Variants in MTA1 observed in about 807,000 individuals in gnomAD.
MTA1 encodes the protein metastasis associated 1.
In MTA1, 15 loss-of-function variants were observed where a neutral mutation model predicts 97.0. The observed-to-expected ratio is 0.15, with a 90% confidence interval of 0.10 to 0.24. The LOEUF (loss-of-function observed/expected upper bound fraction) is 0.24, where lower values mean the gene tolerates loss of function less well. Ranked by LOEUF, MTA1 falls within the 10% of genes least tolerant of loss-of-function variation. MTA1 has a pLI of 1.00. For missense variants in MTA1, 709 were observed against 1,015.1 expected (o/e 0.70, Z 4.10); for synonymous variants, 435 against 417.5 (o/e 1.04, Z -0.51).
chr14:105,466,499 C>T lies in MTA1; in HGVS notation c.1698C>T (p.Ala566=), dbSNP rs2083592303. 1 of 1,597,874 alleles carries T rather than the reference C, an allele frequency of 6.3e-7. No individual in the cohort carries two copies. Among genetic ancestry groups the T allele is most frequent in the African/African-American group, 1.3e-5 (1 of 74,396 alleles). The change falls in exon 17 of 21, where the codon GCC becomes GCT. Residue 566 remains alanine, a synonymous_variant. Transcript: ENST00000331320. ...VSSVLSSLTP[A]KVAPVINNGS... is the part of the protein sequence containing the mutation. ...GCGTGCTCAGCAGCCTGACGCCCGC[C>T]AAGGTGGCCCCCGTCATCAACAACG...
chr14:105,430,466 C>T (rs1468630128), intron 1 of MTA1, among the ~76,000 whole-genome samples: 2 of 152,112 alleles, frequency 1.3e-5, no homozygotes, highest in African/African-American at 2.4e-5. Flanking sequence ...GACCACAGAT[C>T]GCCATCACAG....
At chr14:105,437,688 G>A (rs1385107143) in intron 1 of MTA1, among the ~76,000 whole-genome samples, 1 of 152,242 alleles carries the variant, frequency 6.6e-6, no homozygotes, top group Admixed American at 6.5e-5. Context: ...GCCTGTGCGG[G>A]CCTCTGGGCT....
At chr14:105,449,640 T>C (rs1471344951) in intron 4 of MTA1, among the ~76,000 whole-genome samples, 2 of 152,076 alleles carry the variant, frequency 1.3e-5, no homozygotes, top group Admixed American at 6.5e-5. Context: ...GTGGGCTGTA[T>C]GGGGCTGTCT....
At position 105,463,614 on chromosome 14, in the gene MTA1, G is replaced by T; in HGVS notation, c.1076+63G>T. 7.2e-6 allele frequency: 11 copies of T among 1,522,268 alleles called. No individual in the cohort carries two copies. Among genetic ancestry groups the T allele is most frequent in the African/African-American group, 1.4e-5 (1 of 73,004 alleles). 94.3% of individuals were successfully genotyped at this position (1,522,268 alleles called of 1,614,324 possible). A position where few individuals can be genotyped will look rare whatever the true frequency, so the allele number is the denominator to read the frequency against. Reference sequence around the variant, plus strand: ...GGGGGCCAGGGAGGGTGGGCACAGGGTGCTGGGGCCAGGCGGGTCCCAAGG... The same window carrying T: ...GGGGGCCAGGGAGGGTGGGCACAGGTTGCTGGGGCCAGGCGGGTCCCAAGG... On this transcript the variant is annotated intron_variant, in intron 12 of 20. Transcript: ENST00000331320. This position sits in a 1 kb window ranked among gnomAD's most constrained non-coding sequence, Gnocchi z 5.9.
chr14:105,460,746 C>G lies in MTA1; in HGVS notation c.754-19C>G. 6.4e-7 allele frequency: 1 copy of G among 1,553,990 alleles called. No individual in the cohort carries two copies. Among genetic ancestry groups the G allele is most frequent in the African/African-American group, 1.4e-5 (1 of 73,468 alleles). On this transcript the variant is annotated intron_variant, in intron 9 of 20. Coordinates refer to ENST00000331320, the MANE Select transcript of MTA1 (RefSeq NM_004689.4). The stretch of plus-strand genomic sequence containing the variant: ...AAAAGCCACCTTGGCCCGGGTGACC[C>G]TGCTGTCTCCTGCCGCAGTTCCACG...
At chr14:105,435,952 T>C (rs2082312529) in intron 1 of MTA1, among the ~76,000 whole-genome samples, 1 of 152,150 alleles carries the variant, frequency 6.6e-6, no homozygotes, top group Non-Finnish European at 1.5e-5. Context: ...GGCTATAGAT[T>C]TCAGTTTATT....
Position 105,460,361 on chromosome 14 carries a change from T to C in MTA1, c.657T>C (p.Ser219=), listed in dbSNP as rs782267829. 4 of 1,608,964 alleles carry C rather than the reference T, an allele frequency of 2.5e-6. No homozygotes were observed. The highest frequency in any genetic ancestry group is 1.7e-5 in the Admixed American group (1 of 59,490). Residue 219 remains serine (S), a synonymous_variant, in exon 9 of 21, where the codon TCT becomes TCC. Transcript: ENST00000331320. ...TCAGCGCATCTCCTTTCCCCAGCTC[T>C]GTGGGCACCTTCGCACGGGCCCTGG... ...QIDQFLVVAR[S]VGTFARALDC...
chr14:105,464,195 C>G, intron 13 of MTA1, 48 bp downstream of exon 13: 1 of 1,568,764 alleles, frequency 6.4e-7, no homozygotes, highest in Admixed American at 1.8e-5. Flanking sequence ...CGCCTGTGGG[C>G]CGTGGTGCCT....
chr14:105,469,752 C>T, intron 19 of MTA1, 89 bp from the exon 20 acceptor site: 1 of 1,407,750 alleles, frequency 7.1e-7, no homozygotes. Context: ...GGGGGGTTGG[C>T]CAGGCACAGC....
intron 1 of MTA1, among the ~76,000 whole-genome samples, chr14:105,423,198 T>C (rs2081901208): frequency 1.3e-5 from 2 of 151,612 alleles, no homozygotes; most frequent in Admixed American, 1.3e-4. Flanking sequence ...CCCCATCTTT[T>C]GGATTTTTTT....
intron 18 of MTA1, chr14:105,468,488 C>A: frequency 1.2e-6 from 1 of 808,398 alleles, no homozygotes; most frequent in Non-Finnish European, 1.8e-6. Context: ...CCCGGCAGAG[C>A]TAAGCAAACT....
At chr14:105,428,666 AG>A (rs2082083106) in intron 1 of MTA1, among the ~76,000 whole-genome samples, 1 of 152,000 alleles carries the variant, frequency 6.6e-6, no homozygotes, top group Non-Finnish European at 1.5e-5. Flanking sequence ...TTTCCCTTAC[AG>A]AGTTTAGAAT....
intron 1 of MTA1, among the ~76,000 whole-genome samples, chr14:105,433,974 C>T (rs782821166): frequency 2.6e-5 from 4 of 152,018 alleles, no homozygotes; most frequent in Admixed American, 6.5e-5. Flanking sequence ...ACTACAGGTG[C>T]GTGCCACCAC....
intron 15 of MTA1, 58 bp downstream of exon 15, chr14:105,464,921 C>A: frequency 6.7e-7 from 1 of 1,501,896 alleles, no homozygotes; most frequent in Non-Finnish European, 8.9e-7. Context: ...GAGAGAGCAG[C>A]AACCTTGGGG....
intron 3 of MTA1, among the ~76,000 whole-genome samples, chr14:105,448,593 C>T (rs1469817398): frequency 6.6e-6 from 1 of 152,200 alleles, no homozygotes; most frequent in African/African-American, 2.4e-5. Context: ...ATGTGTTGGC[C>T]TGGGATGAGA....
chr14:105,450,688 A>C (rs781800299), intron 6 of MTA1, among the ~76,000 whole-genome samples: 2 of 152,126 alleles, frequency 1.3e-5, no homozygotes, highest in Non-Finnish European at 2.9e-5. Context: ...GGCGGTGGGC[A>C]GAGTCCTGGT....
In MTA1 at chr14:105,470,241, C is replaced by T; in HGVS notation, c.*26C>T. The T allele has an allele frequency of 6.8e-7, 1 of 1,473,786 alleles. No individual in the cohort carries two copies. 91.3% of individuals were successfully genotyped at this position (1,473,786 alleles called of 1,614,324 possible). A position where few individuals can be genotyped will look rare whatever the true frequency, so the allele number is the denominator to read the frequency against. ...GGGCCGCCCCCACCTGCGGCCGCCC[C>T]CCGCCCCTCGCCCGCCCACACGGCC... On this transcript the variant is annotated 3_prime_UTR_variant, in exon 21 of 21. Transcript: ENST00000331320.
chr14:105,463,621 G>A lies in MTA1; in HGVS notation c.1076+70G>A, dbSNP rs2083446572. ...AGGGAGGGTGGGCACAGGGTGCTGG[G>A]GCCAGGCGGGTCCCAAGGAAACTCA... On this transcript the variant is annotated intron_variant, in intron 12 of 20. Coordinates refer to ENST00000331320, the MANE Select transcript of MTA1 (RefSeq NM_004689.4). The surrounding 1 kb of genome is among the most constrained non-coding windows in gnomAD (Gnocchi z 5.9). 6.8e-7 allele frequency: 1 copy of A among 1,476,126 alleles called. No homozygotes were observed. The highest frequency in any genetic ancestry group is 1.4e-5 in the African/African-American group (1 of 71,624). The allele number at this position is 1,476,126 out of a possible 1,614,324, so 91.4% of individuals were successfully genotyped here.
chr14:105,421,121 C>T (rs773684258), intron 1 of MTA1, among the ~76,000 whole-genome samples: 1 of 151,504 alleles, frequency 6.6e-6, no homozygotes, highest in Non-Finnish European at 1.5e-5. Flanking sequence ...ACGGTGGGAG[C>T]CCCCTACATC....
Sources: allele counts gnomAD v4.1 joint callset (sites outside exome capture counted in the v4.1 genomes callset), GRCh38; gene constraint gnomAD v4.1.1; non-coding constraint Gnocchi (gnomAD v3.1); transcripts MANE v1.5; gene names NCBI Gene and HGNC (gene_info 2026-07-23, HGNC 2026-07-21).